The following SHANK2 variants were observed in gnomAD, a reference collection of about 807,000 sequenced individuals.
SHANK2 encodes SH3 and multiple ankyrin repeat domains 2.
Under a neutral mutation model 133.7 loss-of-function variants are expected in SHANK2, and 43 were observed. That is an observed-to-expected ratio of 0.32 (90% confidence interval 0.25 to 0.41). The LOEUF is 0.41. SHANK2 is among the 10% of genes least tolerant of loss of function. The pLI is 1.00. For synonymous variants in SHANK2, 1,017 were observed against 952.8 expected, an observed-to-expected ratio of 1.07 and a Z score of -1.24; for missense variants, 1,994 against 2,235.8, an observed-to-expected ratio of 0.89 and a Z score of 2.18.
intron 9 of SHANK2, among the ~76,000 whole-genome samples, chr11:71,059,350 GGTT>G (rs1428213504): frequency 2.6e-5 from 4 of 152,220 alleles, no homozygotes; most frequent in African/African-American, 9.6e-5. Context: ...CGGTTGTGAT[GGTT>G]GTTGGTGGTG....
At chr11:70,556,124 T>A (rs1302892147) in intron 17 of SHANK2, among the ~76,000 whole-genome samples, 1 of 152,210 alleles carries the variant, frequency 6.6e-6, no homozygotes, top group East Asian at 1.9e-4. Context: ...ATGTAGCCTG[T>A]TTAGGTTAGC....
At chr11:71,135,868 C>T (rs1952429648) in intron 3 of SHANK2, among the ~76,000 whole-genome samples, 1 of 152,128 alleles carries the variant, frequency 6.6e-6, no homozygotes, top group Non-Finnish European at 1.5e-5. Flanking sequence ...ACCTAGAGAA[C>T]TTCTGACAGT....
chr11:70,665,266 A>G (rs1207344616), intron 15 of SHANK2, among the ~76,000 whole-genome samples: 3 of 152,040 alleles, frequency 2.0e-5, no homozygotes, highest in African/African-American at 7.2e-5. Context: ...TCAGCCTCCC[A>G]AGTAGCTGGG....
At chr11:70,773,230 A>G (rs1947291135) in intron 14 of SHANK2, among the ~76,000 whole-genome samples, 1 of 152,248 alleles carries the variant, frequency 6.6e-6, no homozygotes, top group African/African-American at 2.4e-5. Context: ...TGTGCAAAGT[A>G]GCTGGGCGAG....
At chr11:70,532,586 G>C (rs1480884729) in intron 17 of SHANK2, among the ~76,000 whole-genome samples, 2 of 151,724 alleles carry the variant, frequency 1.3e-5, no homozygotes, top group Non-Finnish European at 2.9e-5. Context: ...CTCTTCCAGG[G>C]AAGCAGGCAC....
intron 14 of SHANK2, among the ~76,000 whole-genome samples, chr11:70,742,314 C>T (rs191088228): frequency 9.2e-5 from 14 of 152,306 alleles, no homozygotes; most frequent in African/African-American, 3.1e-4. Flanking sequence ...CACAGCTCTC[C>T]AGACCCTATT....
At position 70,487,819 on chromosome 11, in the gene SHANK2, T is replaced by A. The variant is rs2058833993; in HGVS notation, c.2573-99A>T. ...GCTACATCTCCACAAACTCACAAAT[T>A]CAGATGATGAACCGGATGTTCAGGA... On this transcript the variant is annotated intron_variant, in intron 24 of 25. Coordinates refer to ENST00000601538, the MANE Select transcript of SHANK2 (RefSeq NM_012309.5). This position sits in a 1 kb window ranked among gnomAD's most constrained non-coding sequence, Gnocchi z 5.8. 3 of 1,546,206 alleles carry A rather than the reference T, an allele frequency of 1.9e-6. No homozygotes were observed. The Admixed American group carries it at 5.9e-5, about 30-fold the overall frequency.
intron 15 of SHANK2, among the ~76,000 whole-genome samples, chr11:70,670,255 A>T (rs938888807): frequency 2.0e-5 from 3 of 152,224 alleles, no homozygotes; most frequent in Non-Finnish European, 4.4e-5. Context: ...TGGTGAAGGC[A>T]GGAACTGGAG....
At chr11:71,194,527 G>C (rs142499523) in intron 2 of SHANK2, among the ~76,000 whole-genome samples, 4 of 152,322 alleles carry the variant, frequency 2.6e-5, no homozygotes, top group Non-Finnish European at 5.9e-5. Flanking sequence ...GATCCAAAGA[G>C]CAGGTGCCAA....
intron 2 of SHANK2, among the ~76,000 whole-genome samples, chr11:71,207,476 G>A (rs1555118172): frequency 1.3e-5 from 2 of 152,084 alleles, no homozygotes; most frequent in African/African-American, 4.8e-5. Context: ...CATCGTGCCC[G>A]GCCCATTTTA....
intron 1 of SHANK2, among the ~76,000 whole-genome samples, chr11:71,247,100 C>T (rs570850089): frequency 6.6e-6 from 1 of 152,250 alleles, no homozygotes; most frequent in Admixed American, 6.5e-5. Flanking sequence ...AAGTCTATTA[C>T]ATTAGGATAA....
At chr11:70,942,996 C>G (rs782548329) in intron 10 of SHANK2, 106 of 451,434 alleles carry the variant, frequency 2.3e-4, no homozygotes, top group Non-Finnish European at 4.0e-4. Context: ...TATGCATGAA[C>G]CATTCATTGT....
Position 71,083,635 on chromosome 11 carries a change from G to GCA in SHANK2, c.913-8361_913-8360insTG, listed in dbSNP as rs1951331206. On this transcript the variant is annotated intron_variant, in intron 8 of 25. Coordinates refer to ENST00000601538, the MANE Select transcript of SHANK2 (RefSeq NM_012309.5). ...TCAAACTCAGAGAGGGAGGGAGAGAGCCAGGCTTTGCCCCAAGGAAGGTAC... is the reference window on the plus strand; with the variant it reads ...TCAAACTCAGAGAGGGAGGGAGAGAGCACCAGGCTTTGCCCCAAGGAAGGTAC... 4.6e-5 allele frequency among the ~76,000 whole-genome samples: 7 copies of GCA among 152,274 alleles called. No individual in the cohort carries two copies. In the South Asian group the frequency reaches 1.2e-3, roughly 27 times the overall value.
intron 5 of SHANK2, among the ~76,000 whole-genome samples, chr11:71,111,348 C>A (rs1951889185): frequency 6.6e-6 from 1 of 152,182 alleles, no homozygotes; most frequent in Admixed American, 6.5e-5. Context: ...AATAGCGATG[C>A]CTGGTCCCCG....
At chr11:70,803,110 G>A (rs1170210790) in intron 13 of SHANK2, among the ~76,000 whole-genome samples, 1 of 152,074 alleles carries the variant, frequency 6.6e-6, no homozygotes, top group Non-Finnish European at 1.5e-5. Flanking sequence ...AGGGATAGCT[G>A]CTGTTTGGGC....
At chr11:70,741,697 ACCT>A (rs1328152010) in intron 14 of SHANK2, among the ~76,000 whole-genome samples, 1 of 152,090 alleles carries the variant, frequency 6.6e-6, no homozygotes, top group Non-Finnish European at 1.5e-5. Flanking sequence ...GTTGATGCTT[ACCT>A]CCTCGGAGAA....
intron 17 of SHANK2, among the ~76,000 whole-genome samples, chr11:70,525,656 G>A (rs188067013): frequency 1.7e-3 from 255 of 152,058 alleles, no homozygotes; most frequent in Non-Finnish European, 2.6e-3. Flanking sequence ...ACCTCCCAAC[G>A]CCAGGGGAAC....
chr11:70,592,366 C>T (rs1207182794), intron 17 of SHANK2, among the ~76,000 whole-genome samples: 7 of 152,166 alleles, frequency 4.6e-5, no homozygotes, highest in South Asian at 2.1e-4. Flanking sequence ...TGCTCCCACT[C>T]GGAGTGAGAG....
At chr11:70,899,274 C>T (rs1435209916) in intron 10 of SHANK2, among the ~76,000 whole-genome samples, 4 of 152,168 alleles carry the variant, frequency 2.6e-5, no homozygotes, top group Non-Finnish European at 4.4e-5. Flanking sequence ...AGTGAGTTCT[C>T]ATGAGATCTG....
Sources: gnomAD v4.1 joint callset for allele counts (sites outside exome capture counted in the v4.1 genomes callset) on GRCh38, gnomAD v4.1.1 for gene constraint, Gnocchi (gnomAD v3.1) non-coding constraint, MANE v1.5 for transcripts, NCBI Gene and HGNC (gene_info 2026-07-23, HGNC 2026-07-21) for gene names.